The following COL5A2 variants were observed in gnomAD, a reference collection of about 807,000 sequenced individuals.
COL5A2 encodes the protein collagen alpha-2(V) chain.
In COL5A2, 23 loss-of-function variants were observed where a neutral mutation model predicts 208.2. The observed-to-expected ratio is 0.11, with a 90% CI of 0.08 to 0.16. COL5A2 has a LOEUF of 0.16. COL5A2 is among the 10% of genes least tolerant of loss of function. The pLI is 1.00. For synonymous variants in COL5A2, 625 were observed against 628.5 expected, an observed-to-expected ratio of 0.99 and a Z score of 0.08; for missense variants, 1,590 against 1,956.4, an observed-to-expected ratio of 0.81 and a Z score of 3.53.
At chr2:189,208,867 T>TG (rs1183718523) in intron 1 of COL5A2, among the ~76,000 whole-genome samples, 3 of 152,178 alleles carry the variant, frequency 2.0e-5, no homozygotes, top group Non-Finnish European at 2.9e-5. Flanking sequence ...AAAGGGAAAC[T>TG]GGAAGAATGG....
intron 1 of COL5A2, among the ~76,000 whole-genome samples, chr2:189,130,374 T>C (rs1332156835): frequency 6.6e-6 from 1 of 152,034 alleles, no homozygotes; most frequent in African/African-American, 2.4e-5. Context: ...TATTTACTGA[T>C]TTATTTAACA....
At chr2:189,085,846 C>G in intron 9 of COL5A2, 74 bp from the exon 10 acceptor site, 1 of 1,241,208 alleles carries the variant, frequency 8.1e-7, no homozygotes, top group Non-Finnish European at 1.2e-6. Flanking sequence ...TGTCAATATA[C>G]AGTGTAATTG....
intron 7 of COL5A2, among the ~76,000 whole-genome samples, chr2:189,089,076 T>C (rs936568770): frequency 2.6e-5 from 4 of 152,228 alleles, no homozygotes; most frequent in Admixed American, 6.5e-5. Context: ...GCCAGTCTAA[T>C]TGATTGCAGG....
chr2:189,046,320 T>G (rs1685666204), intron 45 of COL5A2, among the ~76,000 whole-genome samples: 1 of 152,228 alleles, frequency 6.6e-6, no homozygotes, highest in African/African-American at 2.4e-5. Context: ...TTTCCTCTCC[T>G]TATGTATTCT....
rs60355473 is a variant in COL5A2 at position 189,085,830 on chromosome 2, G to A, written c.691-58C>T. 0.14 allele frequency: 196,935 copies of A among 1,360,450 alleles called. 14,899 individuals are homozygous for A. The highest frequency in any genetic ancestry group is 0.25 in the Middle Eastern group (1,371 of 5,536). 84.3% of individuals were successfully genotyped at this position (1,360,450 alleles called of 1,614,324 possible). ...AAGGAAAAATAGAATATTAAACCCT[G>A]TACTCTGTCAATATACAGTGTAATT... On this transcript the variant is annotated intron_variant, in intron 9 of 53. Coordinates refer to ENST00000374866, the MANE Select transcript of COL5A2 (RefSeq NM_000393.5).
intron 51 of COL5A2, 111 bp from the exon 52 acceptor site, chr2:189,036,914 T>C: frequency 1.1e-6 from 1 of 899,092 alleles, no homozygotes; most frequent in Non-Finnish European, 1.7e-6. Context: ...GATTAAGGAT[T>C]CTTTTAAGTG....
chr2:189,329,988 C>T, the COL5A2 span, among the ~76,000 whole-genome samples: 3 of 151,660 alleles, frequency 2.0e-5, no homozygotes, highest in Non-Finnish European at 4.4e-5. Context: ...GAAGAACAAA[C>T]TCATAATTAA....
chr2:189,251,455 C>T, the COL5A2 span, among the ~76,000 whole-genome samples: 2 of 152,108 alleles, frequency 1.3e-5, no homozygotes, highest in South Asian at 2.1e-4. Context: ...TGACTCTGCC[C>T]ACTCCAAAAG....
At chr2:189,304,427 T>C in the COL5A2 span, among the ~76,000 whole-genome samples, 1 of 152,226 alleles carries the variant, frequency 6.6e-6, no homozygotes, top group Non-Finnish European at 1.5e-5. Context: ...AGAGGTTTAA[T>C]TGGCTTGTGG....
intron 2 of COL5A2, among the ~76,000 whole-genome samples, chr2:189,108,245 C>T (rs1453433822): frequency 6.6e-6 from 1 of 151,770 alleles, no homozygotes. Context: ...AGTTCTTTGA[C>T]AGTTTCTTCA....
At chr2:189,170,591 T>C (rs771472676) in intron 1 of COL5A2, among the ~76,000 whole-genome samples, 8 of 152,016 alleles carry the variant, frequency 5.3e-5, no homozygotes, top group Non-Finnish European at 1.2e-4. Context: ...GTGGGAACAG[T>C]AAAAAGTTAG....
At chr2:189,249,055 T>A in the COL5A2 span, among the ~76,000 whole-genome samples, 1 of 152,132 alleles carries the variant, frequency 6.6e-6, no homozygotes, top group Non-Finnish European at 1.5e-5. Flanking sequence ...ATTCTGCAGT[T>A]CTCTTTGGCA....
At chr2:189,338,015 T>G in the COL5A2 span, among the ~76,000 whole-genome samples, 9 of 152,370 alleles carry the variant, frequency 5.9e-5, no homozygotes, top group African/African-American at 2.2e-4. Context: ...ATGATATGTT[T>G]GGTTGTTTTA....
rs534265147 is a variant in COL5A2 at position 189,173,028 on chromosome 2, T to A, written c.97+6480A>T. ...TTTTGTTGCCTAGGCTGGAGTGCAGTGGCATGATCTCTGCTCACTGCAGCC... is the reference window on the plus strand; with the variant it reads ...TTTTGTTGCCTAGGCTGGAGTGCAGAGGCATGATCTCTGCTCACTGCAGCC... On this transcript the variant is annotated intron_variant, in intron 1 of 53. Transcript: ENST00000374866. Among the ~76,000 whole-genome samples, 458 of 145,682 alleles carry A rather than the reference T, an allele frequency of 3.1e-3. 3 individuals are homozygous for A. The highest frequency in any genetic ancestry group is 4.6e-3 in the Admixed American group (64 of 13,870).
the COL5A2 span, among the ~76,000 whole-genome samples, chr2:189,253,767 G>C: frequency 3.3e-5 from 5 of 152,062 alleles, no homozygotes. Context: ...TTCACCCTCT[G>C]AACTTTCACA....
chr2:189,220,100 C>T (rs965126381), intron 1 of COL5A2, among the ~76,000 whole-genome samples: 2 of 152,078 alleles, frequency 1.3e-5, no homozygotes, highest in Non-Finnish European at 1.5e-5. Context: ...GCAGCTGCCA[C>T]AAGAAGGACA....
chr2:189,136,811 C>T (rs1366626815), intron 1 of COL5A2, among the ~76,000 whole-genome samples: 1 of 151,822 alleles, frequency 6.6e-6, no homozygotes. Context: ...ATTTTCTTGC[C>T]ACAAGTACAT....
the COL5A2 span, among the ~76,000 whole-genome samples, chr2:189,243,391 C>T: frequency 2.0e-5 from 3 of 152,206 alleles, no homozygotes; most frequent in Admixed American, 6.5e-5. Flanking sequence ...AATGGACTTA[C>T]AGTTCCACAT....
upstream of COL5A2, among the ~76,000 whole-genome samples, chr2:189,184,121 G>A (rs1356164): frequency 0.59 from 88,956 of 151,968 alleles, 27,409 homozygotes; most frequent in East Asian, 0.72. Flanking sequence ...TACAAACAAG[G>A]TGATCTTAGA....
Sources: gnomAD v4.1 joint callset for allele counts (sites outside exome capture counted in the v4.1 genomes callset) on GRCh38, gnomAD v4.1.1 for gene constraint, MANE v1.5 for transcripts, NCBI Gene and HGNC (gene_info 2026-07-23, HGNC 2026-07-21) for gene names.